The following CACHD1 variants were observed in gnomAD, a reference collection of about 807,000 sequenced individuals.
CACHD1 encodes VWFA and cache domain-containing protein 1.
In CACHD1, 71 loss-of-function variants were observed where a neutral mutation model predicts 138.7. The ratio of observed to expected loss-of-function variants is 0.51; its 90% CI spans 0.42 to 0.62. The LOEUF is 0.62. CACHD1 is among the 20% of genes least tolerant of loss of function. The pLI, the probability that CACHD1 is intolerant of heterozygous loss-of-function variation, is 0.00. For missense variants in CACHD1, 1,389 were observed against 1,625.3 expected (o/e 0.85, Z 2.50); for synonymous variants, 578 against 591.5 (o/e 0.98, Z 0.33).
intron 16 of CACHD1, among the ~76,000 whole-genome samples, chr1:64,667,329 A>G (rs1230807701): frequency 6.6e-6 from 1 of 152,210 alleles, no homozygotes; most frequent in Admixed American, 6.5e-5. Context: ...ATTGACATTC[A>G]GTAAAATTCC....
At chr1:64,634,979 G>T (rs1222914858) in intron 7 of CACHD1, among the ~76,000 whole-genome samples, 2 of 110,814 alleles carry the variant, frequency 1.8e-5, no homozygotes, top group Non-Finnish European at 3.3e-5. Flanking sequence ...CTGGGTGACA[G>T]AGCAAGACTC....
intron 4 of CACHD1, among the ~76,000 whole-genome samples, chr1:64,619,286 C>A (rs1647824408): frequency 6.6e-6 from 1 of 152,042 alleles, no homozygotes; most frequent in Non-Finnish European, 1.5e-5. Context: ...GTGAGAATGC[C>A]TGAAATGGAG....
chr1:64,598,354 G>A (rs1045179923), intron 3 of CACHD1, among the ~76,000 whole-genome samples: 4 of 152,094 alleles, frequency 2.6e-5, no homozygotes, highest in South Asian at 2.1e-4. Flanking sequence ...AATGCTGCAC[G>A]GCTGAAATTC....
At chr1:64,603,362 C>G in intron 4 of CACHD1, among the ~76,000 whole-genome samples, 1 of 151,948 alleles carries the variant, frequency 6.6e-6, no homozygotes, top group East Asian at 1.9e-4. Context: ...CCTTGGCCTC[C>G]CAAAGTGCTG....
chr1:64,506,848 C>A (rs914743915), intron 1 of CACHD1, among the ~76,000 whole-genome samples: 15 of 152,176 alleles, frequency 9.9e-5, no homozygotes, highest in African/African-American at 3.6e-4. Flanking sequence ...ATCAAATTGC[C>A]TGTTCTTCGT....
intron 1 of CACHD1, among the ~76,000 whole-genome samples, chr1:64,528,326 A>G (rs1326620759): frequency 6.6e-6 from 1 of 152,222 alleles, no homozygotes; most frequent in African/African-American, 2.4e-5. Context: ...TAAATATTTA[A>G]TGTGCTGCAA....
intron 1 of CACHD1, among the ~76,000 whole-genome samples, chr1:64,529,427 G>C (rs369259863): frequency 6.6e-6 from 1 of 151,940 alleles, no homozygotes; most frequent in Non-Finnish European, 1.5e-5. Context: ...TCAATACTTC[G>C]CAACCAATCT....
At chr1:64,656,706 G>T (rs1440123301) in intron 12 of CACHD1, among the ~76,000 whole-genome samples, 1 of 151,850 alleles carries the variant, frequency 6.6e-6, no homozygotes, top group Non-Finnish European at 1.5e-5. Context: ...AGGTAGCAGT[G>T]TTAGCTTTCT....
At chr1:64,684,333 TTTTC>T (rs1414752879) in intron 26 of CACHD1, among the ~76,000 whole-genome samples, 1 of 151,018 alleles carries the variant, frequency 6.6e-6, no homozygotes, top group African/African-American at 2.4e-5. Context: ...TATTCGTGGA[TTTTC>T]TTTGTTTTTT....
At chr1:64,556,642 G>A (rs1461832803) in intron 2 of CACHD1, among the ~76,000 whole-genome samples, 4 of 150,058 alleles carry the variant, frequency 2.7e-5, no homozygotes, top group African/African-American at 9.8e-5. Flanking sequence ...AACATTTTGT[G>A]ATTTTTTACT....
chr1:64,668,345 A>G (rs1192451028), intron 16 of CACHD1, among the ~76,000 whole-genome samples: 1 of 149,850 alleles, frequency 6.7e-6, no homozygotes, highest in Non-Finnish European at 1.5e-5. Flanking sequence ...AAAAAAAGAA[A>G]AAGAAAAAAA....
chr1:64,669,643 A>G (rs1248797446), intron 16 of CACHD1, among the ~76,000 whole-genome samples: 2 of 151,928 alleles, frequency 1.3e-5, no homozygotes, highest in African/African-American at 4.8e-5. Context: ...TCACGGAAGT[A>G]TTGCAAACAG....
chr1:64,679,782 G>A (rs778600761), intron 24 of CACHD1, 26 bp downstream of exon 24: 1 of 1,610,590 alleles, frequency 6.2e-7, no homozygotes, highest in South Asian at 1.1e-5. Flanking sequence ...ACCCCACAGG[G>A]GAGGCAGCAG....
intron 12 of CACHD1, among the ~76,000 whole-genome samples, chr1:64,655,608 G>T (rs1649236840): frequency 6.6e-6 from 1 of 152,156 alleles, no homozygotes; most frequent in Admixed American, 6.5e-5. Context: ...GCCATAACTT[G>T]TGGCACCCAT....
chr1:64,512,393 C>CAAAAAAAAAAAAAAAAAA (rs551616431), intron 1 of CACHD1, among the ~76,000 whole-genome samples: 14 of 78,592 alleles, frequency 1.8e-4, no homozygotes, highest in African/African-American at 8.3e-4. Context: ...GACTGTGTCT[C>CAAAAAAAAAAAAAAAAAA]AAAAAAAAAA....
chr1:64,489,815 G>A (rs1002709765), intron 1 of CACHD1, among the ~76,000 whole-genome samples: 4 of 152,208 alleles, frequency 2.6e-5, no homozygotes, highest in African/African-American at 9.7e-5. Context: ...AGTCCTGGGT[G>A]TGTGGGGATG....
At chr1:64,533,082 A>G (rs1214530185) in intron 1 of CACHD1, among the ~76,000 whole-genome samples, 2 of 152,220 alleles carry the variant, frequency 1.3e-5, no homozygotes, top group South Asian at 2.1e-4. Context: ...AGGGCCAGGC[A>G]TGGTGGCTCA....
At chr1:64,580,609 A>G (rs568175887) in intron 2 of CACHD1, among the ~76,000 whole-genome samples, 1 of 152,276 alleles carries the variant, frequency 6.6e-6, no homozygotes, top group South Asian at 2.1e-4. Context: ...TAAAATGTGA[A>G]TTTTTTGCTT....
intron 1 of CACHD1, among the ~76,000 whole-genome samples, chr1:64,488,956 T>A (rs1357330640): frequency 6.6e-6 from 1 of 152,138 alleles, no homozygotes; most frequent in Admixed American, 6.5e-5. Context: ...GGGGGATTAG[T>A]TAGTAAGCAA....
Sources: allele counts gnomAD v4.1 joint callset (sites outside exome capture counted in the v4.1 genomes callset), GRCh38; gene constraint gnomAD v4.1.1; transcripts MANE v1.5; gene names NCBI Gene and HGNC (gene_info 2026-07-23, HGNC 2026-07-21).